NRXN1: variants seen among roughly 807,000 people sequenced by gnomAD.
NRXN1 encodes neurexin 1.
Under a neutral mutation model 150.9 loss-of-function variants are expected in NRXN1, and 39 were observed. The observed-to-expected ratio is 0.26, with a 90% CI of 0.20 to 0.34. The LOEUF is 0.34. NRXN1 is among the 10% of genes least tolerant of loss of function. NRXN1 has a pLI of 1.00. For synonymous variants in NRXN1, 924 were observed against 757.0 expected, an observed-to-expected ratio of 1.22 and a Z score of -3.62; for missense variants, 1,815 against 1,949.9, an observed-to-expected ratio of 0.93 and a Z score of 1.30.
At chr2:50,650,583 C>T (rs769302727) in intron 5 of NRXN1, among the ~76,000 whole-genome samples, 1 of 152,012 alleles carries the variant, frequency 6.6e-6, no homozygotes, top group African/African-American at 2.4e-5. Flanking sequence ...AAAACAAATG[C>T]TCTGTGAGCT....
At position 50,289,730 on chromosome 2, in the gene NRXN1, G is replaced by T. The variant is rs185389043; in HGVS notation, c.3365-52760C>A. Among the ~76,000 whole-genome samples the T allele has an allele frequency of 8.5e-4, 129 of 152,060 alleles. 1 individual carries two copies. The highest frequency in any genetic ancestry group is 3.7e-3 in the South Asian group (18 of 4,820). On this transcript the variant is annotated intron_variant, in intron 17 of 22. Coordinates refer to ENST00000401669, the MANE Select transcript of NRXN1 (RefSeq NM_001330078.2). Reference sequence around the variant, plus strand: ...AACATATTTATATAATTTATAAATAGATTTGTGTATAATTTACTTGTCTGC... The same window carrying T: ...AACATATTTATATAATTTATAAATATATTTGTGTATAATTTACTTGTCTGC...
intron 5 of NRXN1, among the ~76,000 whole-genome samples, chr2:50,689,835 CTTG>C (rs1691792312): frequency 6.8e-6 from 1 of 146,736 alleles, no homozygotes; most frequent in Admixed American, 6.8e-5. Flanking sequence ...TTCCCATCAG[CTTG>C]TTTTTTTTTG....
At chr2:50,140,318 T>C (rs1707082458) in intron 18 of NRXN1, among the ~76,000 whole-genome samples, 1 of 152,156 alleles carries the variant, frequency 6.6e-6, no homozygotes, top group Non-Finnish European at 1.5e-5. Flanking sequence ...CCTCAGCTTG[T>C]GACCAAGAAT....
At chr2:50,907,743 TA>T (rs1322029566) in intron 5 of NRXN1, among the ~76,000 whole-genome samples, 1 of 151,878 alleles carries the variant, frequency 6.6e-6, no homozygotes, top group East Asian at 1.9e-4. Context: ...TCAAAAAAGA[TA>T]GAAAAGGAAG....
At chr2:50,580,248 C>T (rs1289100489) in intron 8 of NRXN1, among the ~76,000 whole-genome samples, 2 of 152,150 alleles carry the variant, frequency 1.3e-5, no homozygotes, top group East Asian at 1.9e-4. Context: ...ATGTATGATG[C>T]TGGGTCTATT....
intron 18 of NRXN1, among the ~76,000 whole-genome samples, chr2:50,228,973 C>A (rs1181357689): frequency 6.6e-6 from 1 of 152,006 alleles, no homozygotes; most frequent in African/African-American, 2.4e-5. Context: ...GTCTAGCACA[C>A]CATCTCCTAA....
At chr2:50,573,798 C>A (rs1318019585) in intron 8 of NRXN1, among the ~76,000 whole-genome samples, 3 of 151,388 alleles carry the variant, frequency 2.0e-5, no homozygotes, top group Non-Finnish European at 4.4e-5. Context: ...ATAAACAATG[C>A]ACTGTAACAA....
At chr2:50,267,237 C>G (rs900758591) in intron 17 of NRXN1, among the ~76,000 whole-genome samples, 1 of 152,150 alleles carries the variant, frequency 6.6e-6, no homozygotes, top group African/African-American at 2.4e-5. Context: ...TTTGTGTCTA[C>G]CTTTGACCAA....
At chr2:50,002,832 G>C (rs903273671) in intron 21 of NRXN1, among the ~76,000 whole-genome samples, 6 of 152,126 alleles carry the variant, frequency 3.9e-5, no homozygotes, top group African/African-American at 1.4e-4. Context: ...CTGTTGACCT[G>C]AAAGTGTTGG....
At chr2:50,054,933 A>G in intron 20 of NRXN1, 22 bp downstream of exon 20, 1 of 1,448,836 alleles carries the variant, frequency 6.9e-7, no homozygotes, top group Non-Finnish European at 9.3e-7. Context: ...TTTTATTTGA[A>G]GTTTTAATCA....
intron 18 of NRXN1, among the ~76,000 whole-genome samples, chr2:50,097,829 G>C (rs1242929975): frequency 6.6e-6 from 1 of 152,066 alleles, no homozygotes; most frequent in Non-Finnish European, 1.5e-5. Flanking sequence ...GGTAGAGGCA[G>C]GGTTTTTCCA....
chr2:50,105,589 C>T (rs1701527460), intron 18 of NRXN1, among the ~76,000 whole-genome samples: 1 of 151,890 alleles, frequency 6.6e-6, no homozygotes, highest in South Asian at 2.1e-4. Flanking sequence ...CCAATCAAAT[C>T]CAAAAGAATA....
chr2:50,502,553 T>A (rs1438803492), intron 13 of NRXN1, among the ~76,000 whole-genome samples: 2 of 152,060 alleles, frequency 1.3e-5, no homozygotes, highest in East Asian at 1.9e-4. Context: ...TAAGAAGTGG[T>A]ACGGGAAAAG....
chr2:50,709,855 A>G (rs1359153153), intron 5 of NRXN1, among the ~76,000 whole-genome samples: 1 of 152,218 alleles, frequency 6.6e-6, no homozygotes, highest in Non-Finnish European at 1.5e-5. Context: ...ATATCAGAAC[A>G]TTCCTCTAAG....
chr2:50,614,335 C>T (rs2104142176), intron 8 of NRXN1, among the ~76,000 whole-genome samples: 1 of 152,162 alleles, frequency 6.6e-6, no homozygotes, highest in Non-Finnish European at 1.5e-5. Context: ...CTTTTTCCTC[C>T]AAGTTCCTGC....
chr2:50,551,171 T>C (rs1316254031), intron 9 of NRXN1: 1 of 151,362 alleles, frequency 6.6e-6, no homozygotes, highest in African/African-American at 2.5e-5. Flanking sequence ...TAGACTTCTT[T>C]AGGAAAGTGA....
At chr2:50,433,544 T>C (rs946889072) in intron 17 of NRXN1, among the ~76,000 whole-genome samples, 7 of 151,070 alleles carry the variant, frequency 4.6e-5, no homozygotes, top group Non-Finnish European at 8.8e-5. Context: ...CATTGATAGG[T>C]AGCTAGCAGG....
At chr2:50,046,829 G>T (rs1390428754) in intron 21 of NRXN1, among the ~76,000 whole-genome samples, 2 of 152,130 alleles carry the variant, frequency 1.3e-5, no homozygotes, top group African/African-American at 4.8e-5. Flanking sequence ...AGAACGCAGG[G>T]CCTCATCATC....
intron 18 of NRXN1, among the ~76,000 whole-genome samples, chr2:50,102,436 T>G (rs577128028): frequency 6.6e-6 from 1 of 152,154 alleles, no homozygotes; most frequent in African/African-American, 2.4e-5. Flanking sequence ...CCATAACACA[T>G]GAAGTTCAGT....
Sources: gnomAD v4.1 joint callset for allele counts (sites outside exome capture counted in the v4.1 genomes callset) on GRCh38, gnomAD v4.1.1 for gene constraint, MANE v1.5 for transcripts, NCBI Gene and HGNC (gene_info 2026-07-23, HGNC 2026-07-21) for gene names.